Variants in DIP2B observed in about 807,000 individuals in gnomAD.
The protein encoded by DIP2B is DIP2 acetate--CoA ligase B (putative).
DIP2B carries 76 observed loss-of-function variants against 198.0 expected under a neutral mutation model. The observed-to-expected ratio is 0.38, with a 90% confidence interval of 0.32 to 0.46. The LOEUF is 0.46. Among genes scored for constraint, DIP2B ranks in the 20% least tolerant of loss-of-function variants. The pLI, the probability that DIP2B is intolerant of heterozygous loss-of-function variation, is 0.99. For synonymous variants in DIP2B, 701 were observed against 739.1 expected (o/e 0.95, Z 0.84); for missense variants, 1,559 against 1,978.4 (o/e 0.79, Z 4.02).
In DIP2B at chr12:50,725,003, C is replaced by T. The variant is rs1314295520; in HGVS notation, c.3400+117C>T. Reference sequence around the variant, plus strand: ...CCTTTATGTCTTCTGCCTGCTAAGACAGAGGCAAAACCTAGGATCAGTAAG... The same window carrying T: ...CCTTTATGTCTTCTGCCTGCTAAGATAGAGGCAAAACCTAGGATCAGTAAG... On this transcript the variant is annotated intron_variant, in intron 28 of 37. Coordinates refer to ENST00000301180, the MANE Select transcript of DIP2B (RefSeq NM_173602.3). 4.0e-6 allele frequency: 4 copies of T among 999,324 alleles called. No individual in the cohort carries two copies. In the East Asian group the frequency reaches 7.8e-5, roughly 20 times the overall value. The allele number at this position is 999,324 out of a possible 1,614,324, so 61.9% of individuals were successfully genotyped here. A position where few individuals can be genotyped will look rare whatever the true frequency, so the allele number is the denominator to read the frequency against.
In DIP2B at chr12:50,640,841, G is replaced by A. The variant is rs766919940; in HGVS notation, c.290G>A (p.Arg97Gln). ...RTRSGGARDERYRSDIHTEAV... is the reference protein window; with the variant it reads ...RTRSGGARDEQYRSDIHTEAV... Reference sequence around the variant, plus strand: ...CGATCTGGGGGAGCCAGGGATGAACGATATCGATCAGGTGAGGAGAAGCTG... The same window carrying A: ...CGATCTGGGGGAGCCAGGGATGAACAATATCGATCAGGTGAGGAGAAGCTG... Residue 97 changes from arginine (R) to glutamine (Q), a missense_variant, in exon 3 of 38, where the codon CGA (arginine) becomes CAA (glutamine). Physicochemically the swap from Arg to Gln is conservative, Grantham distance 43 (BLOSUM62 1). Transcript: ENST00000301180. 4 of 1,613,542 alleles carry A rather than the reference G, an allele frequency of 2.5e-6. No individual in the cohort carries two copies. The highest frequency in any genetic ancestry group is 4.5e-5 in the East Asian group (2 of 44,868).
chr12:50,738,160 G>C (rs1057458486), intron 35 of DIP2B, among the ~76,000 whole-genome samples: 1 of 151,862 alleles, frequency 6.6e-6, no homozygotes, highest in Admixed American at 6.6e-5. Context: ...GCCAACATGA[G>C]GAAACTCCGT....
chr12:50,648,205 G>A (rs1938384384), intron 3 of DIP2B, among the ~76,000 whole-genome samples: 1 of 152,076 alleles, frequency 6.6e-6, no homozygotes, highest in South Asian at 2.1e-4. Flanking sequence ...TTTTGGGAAA[G>A]ATGAGAAAAC....
chr12:50,641,379 C>T (rs1938254648), intron 3 of DIP2B, among the ~76,000 whole-genome samples: 1 of 151,962 alleles, frequency 6.6e-6, no homozygotes, highest in Non-Finnish European at 1.5e-5. Context: ...CTGTTTCTGC[C>T]CTTAAGGAAT....
chr12:50,685,767 T>A (rs1398332555), intron 10 of DIP2B, 66 bp from the exon 11 acceptor site: 1 of 1,512,624 alleles, frequency 6.6e-7, no homozygotes, highest in Non-Finnish European at 8.9e-7. Context: ...TTACTAAGTG[T>A]CAGATATGGG....
At chr12:50,535,944 G>C (rs1189350822) in intron 1 of DIP2B, among the ~76,000 whole-genome samples, 3 of 147,232 alleles carry the variant, frequency 2.0e-5, no homozygotes, top group African/African-American at 7.6e-5. Flanking sequence ...TGAGAATATG[G>C]GGTGTTTGGT....
intron 35 of DIP2B, among the ~76,000 whole-genome samples, chr12:50,739,123 C>T (rs1271363355): frequency 2.0e-5 from 3 of 152,160 alleles, no homozygotes; most frequent in East Asian, 1.9e-4. Context: ...GGCATGGGTG[C>T]GAGTCTCCTC....
rs1047359552 is a variant in DIP2B, at chr12:50,662,664, G to A, written c.427+2345G>A. Among the ~76,000 whole-genome samples the A allele has an allele frequency of 2.6e-5, 4 of 152,144 alleles. No homozygotes were observed. In the South Asian group the frequency reaches 8.3e-4, roughly 31 times the overall value. On this transcript the variant is annotated intron_variant, in intron 4 of 37. Coordinates refer to ENST00000301180, the MANE Select transcript of DIP2B (RefSeq NM_173602.3). ...AGCCTAACCCAGCGATGTGGAATAG[G>A]TTTTATCTCGCATATGTACTCTGAT...
chr12:50,640,796 C>T lies in DIP2B; in HGVS notation c.245C>T (p.Pro82Leu). The T allele has an allele frequency of 3.1e-6, 5 of 1,613,954 alleles. No homozygotes were observed. Among genetic ancestry groups the T allele is most frequent in the Non-Finnish European group, 4.2e-6 (5 of 1,179,896 alleles). ...CCATCTGCAGCTCAAACTTCTGCTC[C>T]CTCTAAGTACCACCGAACTCGATCT... is the stretch of plus-strand genomic sequence containing the variant. ...PAPSAAQTSA[P>L]SKYHRTRSGG... Residue 82 changes from proline to leucine, a missense_variant, in exon 3 of 38, where the codon CCC (proline) becomes CTC (leucine). By Grantham distance (98) the Pro-to-Leu change is moderately conservative (BLOSUM62 -3). Transcript: ENST00000301180.
chr12:50,567,804 A>G (rs758102192), intron 1 of DIP2B, among the ~76,000 whole-genome samples: 1 of 152,230 alleles, frequency 6.6e-6, no homozygotes, highest in Non-Finnish European at 1.5e-5. Context: ...CTGGGACTAC[A>G]GGCATGAGCC....
chr12:50,680,544 T>A, intron 8 of DIP2B, 128 bp from the exon 9 acceptor site: 1 of 764,466 alleles, frequency 1.3e-6, no homozygotes, highest in Non-Finnish European at 2.1e-6. Flanking sequence ...TGAATGACAC[T>A]CATCTAACCC....
intron 1 of DIP2B, among the ~76,000 whole-genome samples, chr12:50,601,420 C>T (rs913752248): frequency 2.0e-5 from 3 of 151,936 alleles, no homozygotes; most frequent in African/African-American, 7.3e-5. Flanking sequence ...TCTCGACTCA[C>T]TGCAAGCTCC....
chr12:50,543,885 A>G lies in DIP2B; in HGVS notation c.100+38645A>G, dbSNP rs145242350. Among the ~76,000 whole-genome samples, 1,143 of 144,094 alleles carry G rather than the reference A, an allele frequency of 7.9e-3. 19 individuals are homozygous for G. Among genetic ancestry groups the G allele is most frequent in the African/African-American group, 0.027 (1,062 of 38,838 alleles). 94.5% of individuals were successfully genotyped at this position (144,094 alleles called of 152,430 possible). A position where few individuals can be genotyped will look rare whatever the true frequency, so the allele number is the denominator to read the frequency against. The stretch of plus-strand genomic sequence containing the variant: ...GTTGCAGTGAGCTGAGGTAGTGCCA[A>G]TGAACTCCAGTCTGGGCGACAGAGT... On this transcript the variant is annotated intron_variant, in intron 1 of 37. Coordinates refer to ENST00000301180, the MANE Select transcript of DIP2B (RefSeq NM_173602.3).
At chr12:50,649,139 G>A (rs1407408396) in intron 3 of DIP2B, among the ~76,000 whole-genome samples, 3 of 152,138 alleles carry the variant, frequency 2.0e-5, no homozygotes, top group Non-Finnish European at 4.4e-5. Context: ...CTTGTTCTTA[G>A]GGCAGTTTAA....
In DIP2B at chr12:50,745,491, T is replaced by C. The variant is rs944155229; in HGVS notation, c.*652T>C. 6.6e-6 allele frequency: 1 copy of C among 152,508 alleles called. No homozygotes were observed. Among genetic ancestry groups the C allele is most frequent in the Non-Finnish European group, 1.5e-5 (1 of 68,118 alleles). The allele number at this position is 152,508 out of a possible 1,614,324, so 9.4% of individuals were successfully genotyped here. A position where few individuals can be genotyped will look rare whatever the true frequency, so the allele number is the denominator to read the frequency against. ...TAGAAACATTTCTACTTTGAGAGAATTTCAATATTCTCTTAATGTTGTGTA... is the reference window on the plus strand; with the variant it reads ...TAGAAACATTTCTACTTTGAGAGAACTTCAATATTCTCTTAATGTTGTGTA... On this transcript the variant is annotated 3_prime_UTR_variant, in exon 38 of 38. Transcript: ENST00000301180.
At chr12:50,522,851 TGTG>T (rs1393303361) in intron 1 of DIP2B, among the ~76,000 whole-genome samples, 1 of 152,144 alleles carries the variant, frequency 6.6e-6, no homozygotes, top group Non-Finnish European at 1.5e-5. Flanking sequence ...GACAGGGTAA[TGTG>T]GTGGATAGGT....
chr12:50,733,475 C>G (rs1282862312), intron 32 of DIP2B, among the ~76,000 whole-genome samples: 1 of 152,040 alleles, frequency 6.6e-6, no homozygotes. Flanking sequence ...ATTGCTTGAG[C>G]CCTGAAGTTT....
intron 1 of DIP2B, among the ~76,000 whole-genome samples, chr12:50,551,101 A>G (rs1171038205): frequency 6.6e-6 from 1 of 151,402 alleles, no homozygotes; most frequent in East Asian, 1.9e-4. Context: ...TAAGAAAAAA[A>G]AGAAAGAAAG....
At chr12:50,732,290 G>A (rs1249490648) in intron 31 of DIP2B, 76 bp from the exon 32 acceptor site, 1 of 1,534,802 alleles carries the variant, frequency 6.5e-7, no homozygotes, top group Admixed American at 1.8e-5. Context: ...TGACCAAGGA[G>A]CTAGAACAGT....
Sources: allele counts gnomAD v4.1 joint callset (sites outside exome capture counted in the v4.1 genomes callset), GRCh38; gene constraint gnomAD v4.1.1; transcripts MANE v1.5; gene names NCBI Gene and HGNC (gene_info 2026-07-23, HGNC 2026-07-21).